COL6A3: variants seen among roughly 807,000 people sequenced by gnomAD.
COL6A3 encodes collagen alpha-3(VI) chain.
COL6A3 carries 137 observed loss-of-function variants against 274.1 expected under a neutral mutation model. The ratio of observed to expected loss-of-function variants is 0.50; its 90% confidence interval spans 0.44 to 0.58. The LOEUF (loss-of-function observed/expected upper bound fraction) is 0.58, where lower values mean the gene tolerates loss of function less well. COL6A3 is among the 20% of genes least tolerant of loss of function. The pLI, the probability that COL6A3 is intolerant of heterozygous loss-of-function variation, is 0.00. For missense variants in COL6A3, 3,950 were observed against 4,124.9 expected (o/e 0.96, Z 1.16); for synonymous variants, 1,650 against 1,650.6 (o/e 1.00, Z 0.01).
rs1390302458 is a variant in COL6A3, at chr2:237,374,577, T to C, written c.3514A>G (p.Ile1172Val). 3.7e-6 allele frequency: 6 copies of C among 1,614,230 alleles called. No homozygotes were observed. Among genetic ancestry groups the C allele is most frequent in the East Asian group, 4.5e-5 (2 of 44,874 alleles). ...PIGIGIGNAD[I>V]TEMQTISFIP... ...AAGGAGATGGTCTGCATCTCTGTGATGTCAGCGTTCCCGATGCCAATGCCA... is the reference window on the plus strand; with the variant it reads ...AAGGAGATGGTCTGCATCTCTGTGACGTCAGCGTTCCCGATGCCAATGCCA... The change falls in exon 8 of 44, where the codon ATC (isoleucine) becomes GTC (valine). Residue 1172 changes from isoleucine to valine, a missense_variant. Physicochemically the swap from Ile to Val is conservative, Grantham distance 29. Transcript: ENST00000295550. This position sits in a 1 kb window ranked among gnomAD's most constrained non-coding sequence, Gnocchi z 4.8.
In COL6A3 at chr2:237,333,526, T is replaced by C. The variant is rs1455374813; in HGVS notation, c.9252A>G (p.Pro3084=). ...FSTKKSQPPP[P]QPARSASSST... is the part of the protein sequence containing the mutation. ...AACTAGAAGCTGACCTTGCTGGCTG[T>C]GGAGGTGGGGGCTGAGATTTCTCTA... The change falls in exon 42 of 44, where the codon CCA becomes CCG. Residue 3084 remains proline (P), a synonymous_variant. Coordinates refer to ENST00000295550, the MANE Select transcript of COL6A3 (RefSeq NM_004369.4). 6.2e-7 allele frequency: 1 copy of C among 1,614,194 alleles called. No individual in the cohort carries two copies. The highest frequency in any genetic ancestry group is 1.7e-5 in the Admixed American group (1 of 60,020).
intron 6 of COL6A3, among the ~76,000 whole-genome samples, chr2:237,377,737 C>T (rs1459097547): frequency 6.9e-6 from 1 of 145,674 alleles, no homozygotes; most frequent in African/African-American, 2.6e-5. Context: ...AAAAATTGAT[C>T]TCAATCTCTA....
rs760300961 is a variant in COL6A3, at chr2:237,367,258, C to G, written c.4929G>C (p.Leu1643=). The stretch of plus-strand genomic sequence containing the variant: ...TCCTGAAGTTGATGGAACCATCCAA[C>G]AGGAACACAATGTCTGCTTTCTTCT... ...PEKKKADIVF[L]LDGSINFRRD... Residue 1643 remains leucine, a synonymous_variant, in exon 11 of 44, where the codon CTG becomes CTC. Transcript: ENST00000295550. 36 of 1,613,728 alleles carry G rather than the reference C, an allele frequency of 2.2e-5. No individual in the cohort carries two copies. The highest frequency in any genetic ancestry group is 5.5e-5 in the South Asian group (5 of 90,992).
At chr2:237,382,980 G>A (rs927002019) in intron 4 of COL6A3, among the ~76,000 whole-genome samples, 2 of 152,024 alleles carry the variant, frequency 1.3e-5, no homozygotes, top group African/African-American at 4.8e-5. Context: ...GTTTTGTTTG[G>A]TAGAGATGGG....
intron 1 of COL6A3, among the ~76,000 whole-genome samples, chr2:237,409,533 TTTTGTTTG>T (rs57264738): frequency 5.3e-5 from 8 of 152,018 alleles, no homozygotes; most frequent in East Asian, 3.9e-4. Context: ...TTTTTGTTTT[TTTTGTTTG>T]TTTGTTTGTT....
At chr2:237,367,754 T>C (rs1056502335) in intron 10 of COL6A3, among the ~76,000 whole-genome samples, 7 of 152,156 alleles carry the variant, frequency 4.6e-5, no homozygotes, top group African/African-American at 1.4e-4. Context: ...GAGAAACAGA[T>C]TGGAAAATAG....
intron 22 of COL6A3, 146 bp downstream of exon 22, chr2:237,357,671 T>G (rs1225150264): frequency 1.1e-5 from 10 of 896,356 alleles, no homozygotes; most frequent in Admixed American, 1.7e-5. Flanking sequence ...GGAGACTTCC[T>G]TCACGGGGAC....
intron 40 of COL6A3, 66 bp from the exon 41 acceptor site, chr2:237,334,955 GA>G: frequency 6.3e-7 from 1 of 1,584,922 alleles, no homozygotes; most frequent in Non-Finnish European, 8.7e-7. Context: ...GCATGAGCGA[GA>G]GAGGAAATCT....
At position 237,339,060 on chromosome 2, in the gene COL6A3, C is replaced by T. The variant is rs1296360526; in HGVS notation, c.8522G>A (p.Gly2841Glu). The change falls in exon 39 of 44, where the codon GGG becomes GAG. Residue 2841 changes from glycine to glutamate, a missense_variant. Coordinates refer to ENST00000295550, the MANE Select transcript of COL6A3 (RefSeq NM_004369.4). ...CACAAGGTTCTTTGTGGGTTGGTCC[C>T]CTTGGAACCAATCACACTGTTTCCT... is the stretch of plus-strand genomic sequence containing the variant. The part of the protein sequence containing the change: ...DIRKQCDWFQ[G>E]DQPTKNLVKF... The T allele has an allele frequency of 3.7e-6, 6 of 1,613,940 alleles. No homozygotes were observed. Among genetic ancestry groups the T allele is most frequent in the Non-Finnish European group, 5.1e-6 (6 of 1,180,008 alleles).
intron 3 of COL6A3, among the ~76,000 whole-genome samples, chr2:237,393,463 C>T (rs546103179): frequency 5.3e-5 from 8 of 152,302 alleles, no homozygotes; most frequent in African/African-American, 1.4e-4. Context: ...GCCTCTTATC[C>T]ACCTGAATAT....
chr2:237,412,040 G>A (rs2078869126), intron 1 of COL6A3, among the ~76,000 whole-genome samples: 1 of 152,124 alleles, frequency 6.6e-6, no homozygotes, highest in Non-Finnish European at 1.5e-5. Flanking sequence ...TCTGCTTCCT[G>A]GCTTCTCTCG....
In COL6A3 at chr2:237,377,020, A is replaced by G. The variant is rs1339733240; in HGVS notation, c.2822T>C (p.Leu941Pro). The change falls in exon 7 of 44, where the codon CTT becomes CCT. Residue 941 changes from leucine to proline, a missense_variant. By Grantham distance (98) the Leu-to-Pro change is moderately conservative. Coordinates refer to ENST00000295550, the MANE Select transcript of COL6A3 (RefSeq NM_004369.4). ...SAGSRIEDGV[L>P]QFLVLLVAGR... ...TGCGACCAGCAGCACCAGGAACTGA[A>G]GCACTCCATCCTCGATCCGGCTGCC... 8.7e-6 allele frequency: 14 copies of G among 1,614,066 alleles called. No homozygotes were observed. Among genetic ancestry groups the G allele is most frequent in the Non-Finnish European group, 1.1e-5 (13 of 1,180,040 alleles).
chr2:237,329,974 T>C (rs1700138245), intron 42 of COL6A3: 1 of 152,240 alleles, frequency 6.6e-6, no homozygotes, highest in Non-Finnish European at 1.5e-5. Flanking sequence ...AGATTGCTAA[T>C]TTCAAGAATA....
intron 23 of COL6A3, 85 bp from the exon 24 acceptor site, chr2:237,355,019 C>T: frequency 7.8e-7 from 1 of 1,285,824 alleles, no homozygotes; most frequent in Non-Finnish European, 1.1e-6. Context: ...ACTTCACCCT[C>T]TTATTCTGCG....
intron 17 of COL6A3, among the ~76,000 whole-genome samples, 155 bp downstream of exon 17, chr2:237,359,933 C>T (rs1322999110): frequency 1.3e-5 from 2 of 152,234 alleles, no homozygotes; most frequent in Non-Finnish European, 2.9e-5. Context: ...CCTGAACCCA[C>T]CCTGCTCAGA....
intron 3 of COL6A3, among the ~76,000 whole-genome samples, chr2:237,392,275 T>A (rs1328627937): frequency 1.3e-5 from 2 of 152,230 alleles, no homozygotes; most frequent in African/African-American, 4.8e-5. Context: ...GACAGCTAGT[T>A]CCTTTCTGCT....
In COL6A3 at chr2:237,361,068, G is replaced by C. The variant is rs757285969; in HGVS notation, c.6210+53C>G. On this transcript the variant is annotated intron_variant, in intron 16 of 43. Transcript: ENST00000295550. This position sits in a 1 kb window ranked among gnomAD's most constrained non-coding sequence, Gnocchi z 5.1. ...GAAATCCACAATGCAATCCCAATGG[G>C]TAAGGATCAAGGAGGGGGTGAAATT... 2.8e-5 allele frequency: 40 copies of C among 1,418,086 alleles called. No individual in the cohort carries two copies. The highest frequency in any genetic ancestry group is 4.0e-5 in the Non-Finnish European group (40 of 1,001,350). 87.8% of individuals were successfully genotyped at this position (1,418,086 alleles called of 1,614,324 possible). A position where few individuals can be genotyped will look rare whatever the true frequency, so the allele number is the denominator to read the frequency against.
intron 4 of COL6A3, among the ~76,000 whole-genome samples, chr2:237,385,948 C>T (rs567943169): frequency 2.6e-5 from 4 of 152,306 alleles, no homozygotes; most frequent in Non-Finnish European, 5.9e-5. Context: ...AAAAGCTAAG[C>T]CACACAGAAT....
At chr2:237,340,348 T>C in intron 38 of COL6A3, 104 bp downstream of exon 38, 1 of 1,089,072 alleles carries the variant, frequency 9.2e-7, no homozygotes, top group Non-Finnish European at 1.4e-6. Flanking sequence ...AATGAAACAG[T>C]TCCTGTCAAC....
Sources: allele counts gnomAD v4.1 joint callset (sites outside exome capture counted in the v4.1 genomes callset), GRCh38; gene constraint gnomAD v4.1.1; non-coding constraint Gnocchi (gnomAD v3.1); transcripts MANE v1.5; gene names NCBI Gene and HGNC (gene_info 2026-07-23, HGNC 2026-07-21).